VWA3A: variants seen among roughly 807,000 people sequenced by gnomAD.
VWA3A encodes von Willebrand factor A domain-containing protein 3A.
VWA3A carries 134 observed loss-of-function variants against 160.4 expected under a neutral mutation model. The ratio of observed to expected loss-of-function variants is 0.84; its 90% CI spans 0.73 to 0.96. VWA3A has a LOEUF of 0.96. Ranked by LOEUF, VWA3A falls within the 40% of genes least tolerant of loss-of-function variation. The pLI is 0.00. For synonymous variants in VWA3A, 476 were observed against 543.4 expected (o/e 0.88, Z 1.72); for missense variants, 1,310 against 1,447.9 (o/e 0.90, Z 1.55).
At chr16:22,137,887 G>A (rs1001292963) in intron 21 of VWA3A, among the ~76,000 whole-genome samples, 4 of 152,162 alleles carry the variant, frequency 2.6e-5, no homozygotes, top group African/African-American at 9.7e-5. Context: ...CCTATCTAGA[G>A]GAACAACGGG....
At chr16:22,110,003 T>A (rs539130088) in intron 7 of VWA3A, among the ~76,000 whole-genome samples, 36 of 152,224 alleles carry the variant, frequency 2.4e-4, no homozygotes, top group Non-Finnish European at 4.6e-4. Flanking sequence ...AGGCTGGTGT[T>A]GCTCATTGCT....
At chr16:22,149,175 G>A (rs1324962244) in intron 28 of VWA3A, among the ~76,000 whole-genome samples, 4 of 152,162 alleles carry the variant, frequency 2.6e-5, no homozygotes, top group Non-Finnish European at 5.9e-5. Flanking sequence ...GACTTCAAGA[G>A]GTTAAGACAC....
At position 22,110,878 on chromosome 16, in the gene VWA3A, T is replaced by G; in HGVS notation, c.583-10T>G. 6.3e-7 allele frequency: 1 copy of G among 1,597,392 alleles called. No homozygotes were observed. The highest frequency in any genetic ancestry group is 8.5e-7 in the Non-Finnish European group (1 of 1,172,500). On this transcript the variant is annotated splice_polypyrimidine_tract_variant and intron_variant, in intron 7 of 33. Transcript: ENST00000389398. ...GCTGTGGGAGCCAGTGATGTCCTTT[T>G]GTCCAACAGAGCCTCATCGATGAGC...
intron 17 of VWA3A, among the ~76,000 whole-genome samples, chr16:22,128,239 A>C (rs916669415): frequency 9.8e-5 from 15 of 152,316 alleles, no homozygotes; most frequent in African/African-American, 3.6e-4. Flanking sequence ...GTACAAATAC[A>C]ATCGGGTTTG....
intron 1 of VWA3A, among the ~76,000 whole-genome samples, chr16:22,095,286 C>T (rs1287764089): frequency 6.6e-6 from 1 of 152,032 alleles, no homozygotes; most frequent in Non-Finnish European, 1.5e-5. Flanking sequence ...AGAAGAAGAA[C>T]GTTCCAGAGC....
In VWA3A at chr16:22,148,291, G is replaced by T; in HGVS notation, c.2969G>T (p.Arg990Leu). 1 of 1,596,134 alleles carries T rather than the reference G, an allele frequency of 6.3e-7. No individual in the cohort carries two copies. The highest frequency in any genetic ancestry group is 2.3e-5 in the East Asian group (1 of 44,110). Residue 990 changes from arginine to leucine, a missense_variant, in exon 28 of 34, where the codon CGG becomes CTG. Physicochemically the swap from Arg to Leu is moderately radical, Grantham distance 102 (BLOSUM62 -2). Transcript: ENST00000389398. ...ELVLLIWEQL[R>L]KCCDSFNLLS... ...GTTTTGCTGATTTGGGAACAGCTGC[G>T]GAAGTGCTGTGACAGGTAGGAGGCG...
chr16:22,102,342 C>A (rs758106487), intron 5 of VWA3A, among the ~76,000 whole-genome samples: 16 of 150,700 alleles, frequency 1.1e-4, no homozygotes, highest in Non-Finnish European at 1.9e-4. Context: ...CAGAGTGAGA[C>A]CCTGTCTCAA....
chr16:22,114,501 G>A (rs1489349130), intron 8 of VWA3A, among the ~76,000 whole-genome samples: 1 of 152,160 alleles, frequency 6.6e-6, no homozygotes, highest in African/African-American at 2.4e-5. Context: ...TAAAAGCTCA[G>A]ATCTTAGAGT....
chr16:22,126,832 A>AC (rs1041315716), intron 17 of VWA3A, among the ~76,000 whole-genome samples: 1 of 151,784 alleles, frequency 6.6e-6, no homozygotes, highest in Non-Finnish European at 1.5e-5. Flanking sequence ...ACATAGTGAG[A>AC]CCCCATCTGT....
chr16:22,108,328 T>C (rs915925863), intron 6 of VWA3A, among the ~76,000 whole-genome samples: 1 of 152,140 alleles, frequency 6.6e-6, no homozygotes, highest in African/African-American at 2.4e-5. Flanking sequence ...GAAGGGATGA[T>C]TACAGAAGCA....
chr16:22,133,177 T>A, intron 20 of VWA3A, 82 bp downstream of exon 20: 1 of 1,425,540 alleles, frequency 7.0e-7, no homozygotes, highest in South Asian at 1.4e-5. Context: ...ACCACAGATG[T>A]ATTCCAGAAA....
Position 22,140,251 on chromosome 16 carries a change from C to T in VWA3A, c.2383+7C>T, listed in dbSNP as rs745906208. On this transcript the variant is annotated splice_region_variant and intron_variant, in intron 23 of 33. Coordinates refer to ENST00000389398, the MANE Select transcript of VWA3A (RefSeq NM_173615.5). ...AGAGTTGGCATCTCACCAGGTAAGG[C>T]ACCATCACGGTCAGGCAGGGTGGAG... 6.8e-6 allele frequency: 11 copies of T among 1,612,952 alleles called. No individual in the cohort carries two copies. The highest frequency in any genetic ancestry group is 1.3e-5 in the African/African-American group (1 of 75,018).
intron 7 of VWA3A, 98 bp from the exon 8 acceptor site, chr16:22,110,790 C>T: frequency 6.9e-6 from 8 of 1,159,034 alleles, no homozygotes; most frequent in Non-Finnish European, 9.7e-6. Context: ...CAGTACAGCT[C>T]ACACCCAGCC....
intron 2 of VWA3A, 26 bp from the exon 3 acceptor site, chr16:22,097,546 T>G: frequency 1.9e-6 from 3 of 1,550,216 alleles, no homozygotes; most frequent in Non-Finnish European, 2.6e-6. Flanking sequence ...GCTGGGGCAT[T>G]GATCAAATTA....
chr16:22,129,665 G>T (rs1185035593), intron 17 of VWA3A, among the ~76,000 whole-genome samples: 1 of 152,094 alleles, frequency 6.6e-6, no homozygotes, highest in African/African-American at 2.4e-5. Context: ...TCAGCATTTT[G>T]ATTCTATGAA....
intron 20 of VWA3A, 137 bp downstream of exon 20, chr16:22,133,232 T>G: frequency 1.0e-6 from 1 of 994,718 alleles, no homozygotes; most frequent in Non-Finnish European, 1.5e-6. Flanking sequence ...ACTGTTCCTC[T>G]GAAGATAGAT....
At chr16:22,122,978 C>T (rs915885535) in intron 14 of VWA3A, 107 bp from the exon 15 acceptor site, 66 of 884,894 alleles carry the variant, frequency 7.5e-5, no homozygotes, top group Middle Eastern at 2.2e-4. Context: ...CAAATGTGTT[C>T]AGAGTCCACT....
Position 22,144,329 on chromosome 16 carries a change from G to T in VWA3A, c.2675G>T (p.Gly892Val). Residue 892 changes from glycine (G) to valine (V), a missense_variant, in exon 26 of 34, where the codon GGA becomes GTA. Gly to Val is a moderately radical substitution (Grantham distance 109). Coordinates refer to ENST00000389398, the MANE Select transcript of VWA3A (RefSeq NM_173615.5). ...MGPNCTHQKSGQRSASAKHCS... is the reference protein window; with the variant it reads ...MGPNCTHQKSVQRSASAKHCS... ...CCCAACTGCACTCATCAAAAGTCAGGACAGAGGTCAGCATCCGCCAAACAC... is the reference window on the plus strand; with the variant it reads ...CCCAACTGCACTCATCAAAAGTCAGTACAGAGGTCAGCATCCGCCAAACAC... 1 of 1,613,964 alleles carries T rather than the reference G, an allele frequency of 6.2e-7. No homozygotes were observed. Among genetic ancestry groups the T allele is most frequent in the Non-Finnish European group, 8.5e-7 (1 of 1,179,900 alleles).
chr16:22,124,839 AC>A (rs1260421149), intron 16 of VWA3A, among the ~76,000 whole-genome samples: 2 of 152,108 alleles, frequency 1.3e-5, no homozygotes, highest in Non-Finnish European at 2.9e-5. Context: ...CGGAACTTGA[AC>A]CAAGGTCTTC....
Sources: allele counts gnomAD v4.1 joint callset (sites outside exome capture counted in the v4.1 genomes callset), GRCh38; gene constraint gnomAD v4.1.1; transcripts MANE v1.5; gene names NCBI Gene and HGNC (gene_info 2026-07-23, HGNC 2026-07-21).